PALLD: variants seen among roughly 807,000 people sequenced by gnomAD.
PALLD encodes palladin, cytoskeletal associated protein, also known as palladin.
Under a neutral mutation model 123.5 loss-of-function variants are expected in PALLD, and 61 were observed. That is an observed-to-expected ratio of 0.49 (90% CI 0.40 to 0.61). PALLD has a LOEUF of 0.61. PALLD is among the 20% of genes least tolerant of loss of function. PALLD has a pLI of 0.00. For synonymous variants in PALLD, 465 were observed against 496.4 expected (o/e 0.94, Z 0.84); for missense variants, 1,273 against 1,377.0 (o/e 0.92, Z 1.20).
At chr4:168,817,118 G>A (rs1338660569) in intron 10 of PALLD, among the ~76,000 whole-genome samples, 1 of 152,072 alleles carries the variant, frequency 6.6e-6, no homozygotes, top group Non-Finnish European at 1.5e-5. Flanking sequence ...AGTATCTCTG[G>A]TCTTTCAGCT....
intron 10 of PALLD, among the ~76,000 whole-genome samples, chr4:168,734,227 A>G (rs1055279041): frequency 6.6e-6 from 1 of 152,102 alleles, no homozygotes; most frequent in Non-Finnish European, 1.5e-5. Flanking sequence ...AAAAAAATTT[A>G]CTATTTTAAG....
At chr4:168,509,812 T>C (rs142331639) in intron 1 of PALLD, among the ~76,000 whole-genome samples, 263 of 152,320 alleles carry the variant, frequency 1.7e-3, no homozygotes, top group Non-Finnish European at 2.9e-3. Flanking sequence ...TATGTTAACA[T>C]TGAGTTTCAG....
intron 3 of PALLD, among the ~76,000 whole-genome samples, chr4:168,670,766 A>AC (rs1780164340): frequency 1.6e-5 from 1 of 63,474 alleles, no homozygotes; most frequent in Non-Finnish European, 3.0e-5. Context: ...CAAAAAAAAC[A>AC]AAAAAAAACA....
chr4:168,787,796 G>C (rs1736956981), intron 10 of PALLD, among the ~76,000 whole-genome samples: 1 of 152,280 alleles, frequency 6.6e-6, no homozygotes, highest in Middle Eastern at 3.4e-3. Flanking sequence ...CTTGCTCCTA[G>C]CTCTCGAAGC....
intron 10 of PALLD, among the ~76,000 whole-genome samples, chr4:168,761,655 T>TTG (rs1646638201): frequency 2.5e-5 from 1 of 39,618 alleles, no homozygotes; most frequent in African/African-American, 1.0e-4. Context: ...GTTTTTTTTT[T>TTG]TTTTTTTTTT....
intron 2 of PALLD, among the ~76,000 whole-genome samples, chr4:168,551,887 G>A (rs938606931): frequency 3.3e-5 from 5 of 152,072 alleles, no homozygotes; most frequent in Admixed American, 2.6e-4. Context: ...GAAAATTCAC[G>A]ATGACATTTC....
chr4:168,662,005 C>G (rs958614312), intron 2 of PALLD, among the ~76,000 whole-genome samples: 1 of 151,928 alleles, frequency 6.6e-6, no homozygotes, highest in Non-Finnish European at 1.5e-5. Flanking sequence ...TGTCATTGTT[C>G]CCAAATATTG....
chr4:168,743,855 A>G (rs1159304039), intron 10 of PALLD, among the ~76,000 whole-genome samples: 1 of 152,292 alleles, frequency 6.6e-6, no homozygotes, highest in East Asian at 1.9e-4. Context: ...CTATCTGTGG[A>G]CATCTCCCAG....
intron 10 of PALLD, among the ~76,000 whole-genome samples, chr4:168,876,375 T>C (rs766356757): frequency 7.2e-5 from 11 of 152,234 alleles, no homozygotes; most frequent in African/African-American, 1.2e-4. Context: ...ATCCCAGCAG[T>C]GACATGCCTA....
intron 2 of PALLD, among the ~76,000 whole-genome samples, chr4:168,613,251 G>A (rs1773906826): frequency 6.6e-6 from 1 of 152,184 alleles, no homozygotes; most frequent in Non-Finnish European, 1.5e-5. Flanking sequence ...AACCAAGAAA[G>A]TCCAGGACAA....
intron 10 of PALLD, among the ~76,000 whole-genome samples, chr4:168,776,037 G>T (rs1048127647): frequency 5.3e-5 from 8 of 152,262 alleles, no homozygotes; most frequent in Middle Eastern, 3.4e-3. Flanking sequence ...TTTCTCTATA[G>T]ATTTTTGAAT....
chr4:168,521,254 C>T (rs1313215601), intron 2 of PALLD, among the ~76,000 whole-genome samples: 6 of 151,980 alleles, frequency 3.9e-5, no homozygotes, highest in African/African-American at 1.4e-4. Context: ...AAAAGGGATT[C>T]GTGAAACAAG....
intron 2 of PALLD, among the ~76,000 whole-genome samples, chr4:168,581,362 C>T (rs1448944912): frequency 2.0e-5 from 3 of 151,842 alleles, no homozygotes; most frequent in South Asian, 2.1e-4. Context: ...AGTTTCCATT[C>T]CCACCAACAG....
chr4:168,580,675 T>C (rs1005449017), intron 2 of PALLD, among the ~76,000 whole-genome samples: 2 of 152,110 alleles, frequency 1.3e-5, no homozygotes, highest in Non-Finnish European at 2.9e-5. Flanking sequence ...TATGTATGCA[T>C]ATGTTTACTG....
intron 2 of PALLD, among the ~76,000 whole-genome samples, chr4:168,517,767 C>T (rs760730285): frequency 1.2e-4 from 19 of 152,254 alleles, no homozygotes; most frequent in Non-Finnish European, 2.2e-4. Flanking sequence ...GATGGCTTAG[C>T]CCAGGAGTAT....
At chr4:168,598,218 C>G (rs372972906) in intron 2 of PALLD, 5 of 375,106 alleles carry the variant, frequency 1.3e-5, no homozygotes. Flanking sequence ...TCCATGCCAG[C>G]CTCCAAACAC....
intron 10 of PALLD, among the ~76,000 whole-genome samples, chr4:168,808,412 A>G (rs764636464): frequency 6.6e-6 from 1 of 152,066 alleles, no homozygotes; most frequent in East Asian, 1.9e-4. Context: ...CCCGGGAGGC[A>G]GAGGTTGCAG....
intron 2 of PALLD, among the ~76,000 whole-genome samples, chr4:168,629,167 T>C (rs991754338): frequency 1.8e-4 from 28 of 151,912 alleles, no homozygotes; most frequent in African/African-American, 6.3e-4. Context: ...CAGGTGCCCG[T>C]TGCCATGCCC....
chr4:168,851,402 G>T (rs1050051055), intron 10 of PALLD, among the ~76,000 whole-genome samples: 14 of 152,100 alleles, frequency 9.2e-5, no homozygotes, highest in South Asian at 2.1e-4. Flanking sequence ...GAGTCTGGCT[G>T]TTTCACCCAG....
Sources: allele counts gnomAD v4.1 joint callset (sites outside exome capture counted in the v4.1 genomes callset), GRCh38; gene constraint gnomAD v4.1.1; transcripts MANE v1.5; gene names NCBI Gene and HGNC (gene_info 2026-07-23, HGNC 2026-07-21).